The following ERO1B variants were observed in gnomAD, a reference collection of about 807,000 sequenced individuals.
The protein encoded by ERO1B is ERO1-like protein beta.
Under a neutral mutation model 75.3 loss-of-function variants are expected in ERO1B, and 49 were observed. That is an observed-to-expected ratio of 0.65 (90% CI 0.52 to 0.83). ERO1B has a LOEUF of 0.83. Ranked by LOEUF, ERO1B falls within the 40% of genes least tolerant of loss-of-function variation. The pLI is 0.00. For missense variants in ERO1B, 512 were observed against 560.1 expected, an observed-to-expected ratio of 0.91 and a Z score of 0.87; for synonymous variants, 191 against 192.9, an observed-to-expected ratio of 0.99 and a Z score of 0.08.
In ERO1B at chr1:236,281,801, C is replaced by T; in HGVS notation, c.-18G>A. The stretch of plus-strand genomic sequence containing the variant: ...TGGCTCATGCTGACCTCTACCCACA[C>T]CGCGGCCAGCCGGACCCCTCGGGGC... On this transcript the variant is annotated 5_prime_UTR_variant, in exon 1 of 16. It adds an upstream start codon to the 5' untranslated region. Coordinates refer to ENST00000354619, the MANE Select transcript of ERO1B (RefSeq NM_019891.4). 7.1e-7 allele frequency: 1 copy of T among 1,414,382 alleles called. No homozygotes were observed. 87.6% of individuals were successfully genotyped at this position (1,414,382 alleles called of 1,614,324 possible). A position where few individuals can be genotyped will look rare whatever the true frequency, so the allele number is the denominator to read the frequency against.
At chr1:236,254,438 C>T in intron 2 of ERO1B, among the ~76,000 whole-genome samples, 1 of 152,158 alleles carries the variant, frequency 6.6e-6, no homozygotes, top group Non-Finnish European at 1.5e-5. Flanking sequence ...AATCCCTCCT[C>T]AAAACCTTCC....
At chr1:236,255,864 C>T (rs1156728814) in intron 2 of ERO1B, among the ~76,000 whole-genome samples, 1 of 152,170 alleles carries the variant, frequency 6.6e-6, no homozygotes, top group African/African-American at 2.4e-5. Flanking sequence ...TCAAAATTAA[C>T]ATATCCAAAA....
intron 8 of ERO1B, among the ~76,000 whole-genome samples, chr1:236,234,230 T>TCC (rs1664484364): frequency 6.6e-6 from 1 of 152,196 alleles, no homozygotes; most frequent in Admixed American, 6.5e-5. Flanking sequence ...TTTCTCCTCT[T>TCC]CCCTTCCTCT....
At chr1:236,233,901 T>C (rs1347694208) in intron 8 of ERO1B, among the ~76,000 whole-genome samples, 1 of 152,096 alleles carries the variant, frequency 6.6e-6, no homozygotes, top group Non-Finnish European at 1.5e-5. Flanking sequence ...AGGCCAGAGG[T>C]TGGGCTCTAG....
intron 2 of ERO1B, among the ~76,000 whole-genome samples, chr1:236,256,198 A>G (rs1405633): frequency 0.32 from 48,018 of 151,902 alleles, 8,194 homozygotes; most frequent in East Asian, 0.77. Flanking sequence ...TTCTTCCCTG[A>G]CTTGCTCCTG....
At chr1:236,225,248 T>C in intron 12 of ERO1B, 109 bp from the exon 13 acceptor site, 2 of 1,004,892 alleles carry the variant, frequency 2.0e-6, no homozygotes, top group Non-Finnish European at 3.0e-6. Flanking sequence ...ATTCATTATT[T>C]ACTCCGATGT....
rs1217803917 is a variant in ERO1B, at chr1:236,216,383, C to T, written c.*2133G>A. ...ACAAGAACCATAAAATGTCACCAGG[C>T]TCACACAATCATTTAAGAAATAAAA... On this transcript the variant is annotated 3_prime_UTR_variant, in exon 16 of 16. Transcript: ENST00000354619. 1 of 152,090 alleles carries T rather than the reference C, an allele frequency of 6.6e-6. No homozygotes were observed. Among genetic ancestry groups the T allele is most frequent in the Non-Finnish European group, 1.5e-5 (1 of 67,996 alleles). The allele number at this position is 152,090 out of a possible 1,614,324, so 9.4% of individuals were successfully genotyped here. A position where few individuals can be genotyped will look rare whatever the true frequency, so the allele number is the denominator to read the frequency against.
Position 236,280,993 on chromosome 1 carries a change from C to G in ERO1B, c.102+689G>C, listed in dbSNP as rs116639407. Among the ~76,000 whole-genome samples the G allele has an allele frequency of 6.7e-3, 1,026 of 152,300 alleles. 13 individuals carry two copies. The highest frequency in any genetic ancestry group is 0.023 in the African/African-American group (942 of 41,558). ...TCATCGCTTCACATCAACAACCAGC[C>G]AGCACCTCACGACTGCCAGAGCCAG... is the stretch of plus-strand genomic sequence containing the variant. On this transcript the variant is annotated intron_variant, in intron 1 of 15. Transcript: ENST00000354619.
At chr1:236,263,164 C>G (rs543120262) in intron 2 of ERO1B, among the ~76,000 whole-genome samples, 2 of 152,182 alleles carry the variant, frequency 1.3e-5, no homozygotes, top group Non-Finnish European at 2.9e-5. Flanking sequence ...ACACTTATCA[C>G]TGTCTCAGCA....
chr1:236,269,567 C>T lies in ERO1B; in HGVS notation c.222+308G>A, dbSNP rs77042930. Among the ~76,000 whole-genome samples the T allele has an allele frequency of 2.3e-3, 343 of 152,232 alleles. 2 individuals are homozygous for T. Among genetic ancestry groups the T allele is most frequent in the African/African-American group, 7.9e-3 (329 of 41,536 alleles). ...CAACTCAAAGGCTGAGTAGGTGTGTCCAGATGGCAGAACTATGTTATAAGA... is the reference window on the plus strand; with the variant it reads ...CAACTCAAAGGCTGAGTAGGTGTGTTCAGATGGCAGAACTATGTTATAAGA... On this transcript the variant is annotated intron_variant, in intron 2 of 15. Coordinates refer to ENST00000354619, the MANE Select transcript of ERO1B (RefSeq NM_019891.4).
At position 236,236,278 on chromosome 1, in the gene ERO1B, T is replaced by C. The variant is rs376659042; in HGVS notation, c.626A>G (p.Lys209Arg). 1.2e-6 allele frequency: 2 copies of C among 1,605,328 alleles called. No individual in the cohort carries two copies. The highest frequency in any genetic ancestry group is 1.7e-6 in the Non-Finnish European group (2 of 1,174,316). ...WNSIYEENCF[K>R]PRSVYRPLNP... Reference sequence around the variant, plus strand: ...TTCTTCCCCCACCCCCTCCAGTTACTTGAAACAGTTCTCTTCATAGATGCT... The same window carrying C: ...TTCTTCCCCCACCCCCTCCAGTTACCTGAAACAGTTCTCTTCATAGATGCT... Residue 209 changes from lysine to arginine, a missense_variant and splice_region_variant, in exon 7 of 16, where the codon AAG becomes AGG. By Grantham distance (26) the Lys-to-Arg change is conservative (BLOSUM62 2). Transcript: ENST00000354619.
intron 10 of ERO1B, among the ~76,000 whole-genome samples, chr1:236,227,853 G>A (rs933182658): frequency 3.9e-5 from 6 of 152,114 alleles, no homozygotes; most frequent in Non-Finnish European, 5.9e-5. Context: ...ATTCTTGCTA[G>A]AATATTCAAA....
intron 8 of ERO1B, among the ~76,000 whole-genome samples, chr1:236,234,991 C>A (rs1664507068): frequency 1.3e-5 from 2 of 152,178 alleles, no homozygotes; most frequent in African/African-American, 4.8e-5. Flanking sequence ...AAATATGTTA[C>A]ATGACGCATA....
At chr1:236,253,916 T>C (rs1726658) in intron 2 of ERO1B, among the ~76,000 whole-genome samples, 37,677 of 152,086 alleles carry the variant, frequency 0.25, 4,844 homozygotes, top group East Asian at 0.38. Flanking sequence ...ATTAAATATT[T>C]GTAAGTTTAG....
At chr1:236,237,492 G>T (rs1664573767) in intron 6 of ERO1B, among the ~76,000 whole-genome samples, 1 of 152,250 alleles carries the variant, frequency 6.6e-6, no homozygotes, top group Middle Eastern at 3.4e-3. Flanking sequence ...CTCACATTCT[G>T]AATAGAAATG....
In ERO1B at chr1:236,231,428, T is replaced by A. The variant is rs965272760; in HGVS notation, c.686-1178A>T. Among the ~76,000 whole-genome samples the A allele has an allele frequency of 6.7e-5, 10 of 150,112 alleles. No homozygotes were observed. In the Admixed American group the frequency reaches 6.7e-4, roughly 10 times the overall value. ...ATTTTAAGTGTTTTCGCCAAAAAAA[T>A]GGTATGTGAGCTAATTAGCTCAATA... On this transcript the variant is annotated intron_variant, in intron 9 of 15. Transcript: ENST00000354619.
chr1:236,252,943 T>C (rs1206928637), intron 3 of ERO1B, among the ~76,000 whole-genome samples: 1 of 146,066 alleles, frequency 6.8e-6, no homozygotes, highest in Non-Finnish European at 1.5e-5. Flanking sequence ...TAGCATTCTC[T>C]TGGTATTAAG....
intron 3 of ERO1B, among the ~76,000 whole-genome samples, chr1:236,252,346 A>G (rs1665050497): frequency 6.6e-6 from 1 of 152,202 alleles, no homozygotes; most frequent in Non-Finnish European, 1.5e-5. Context: ...CAGCTCTAAT[A>G]ACTATTGCAG....
rs1360204790 is a variant in ERO1B, at chr1:236,216,212, A to G, written c.*2304T>C. ...GGGTACAATCATTTCTGTCAGTTAT[A>G]TTATCAAGTGCTGGGTTTTTAAATT... is the stretch of plus-strand genomic sequence containing the variant. On this transcript the variant is annotated 3_prime_UTR_variant, in exon 16 of 16. Transcript: ENST00000354619. 1 of 152,150 alleles carries G rather than the reference A, an allele frequency of 6.6e-6. No individual in the cohort carries two copies. Among genetic ancestry groups the G allele is most frequent in the Non-Finnish European group, 1.5e-5 (1 of 67,994 alleles). 9.4% of individuals were successfully genotyped at this position (152,150 alleles called of 1,614,324 possible).
Sources: allele counts gnomAD v4.1 joint callset (sites outside exome capture counted in the v4.1 genomes callset), GRCh38; gene constraint gnomAD v4.1.1; transcripts MANE v1.5; gene names NCBI Gene and HGNC (gene_info 2026-07-23, HGNC 2026-07-21).